PCNX1: variants seen among roughly 807,000 people sequenced by gnomAD.
PCNX1 encodes pecanex-like protein 1.
PCNX1 carries 78 observed loss-of-function variants against 242.2 expected under a neutral mutation model. The ratio of observed to expected loss-of-function variants is 0.32; its 90% CI spans 0.27 to 0.39. The LOEUF (loss-of-function observed/expected upper bound fraction) is 0.39. PCNX1 is among the 10% of genes least tolerant of loss of function. The pLI, the probability that PCNX1 is intolerant of heterozygous loss-of-function variation, is 1.00. For synonymous variants in PCNX1, 1,024 were observed against 1,032.9 expected, an observed-to-expected ratio of 0.99 and a Z score of 0.17; for missense variants, 2,581 against 2,856.5, an observed-to-expected ratio of 0.90 and a Z score of 2.20.
At chr14:70,967,265 C>T (rs961292724) in intron 3 of PCNX1, among the ~76,000 whole-genome samples, 1 of 152,176 alleles carries the variant, frequency 6.6e-6, no homozygotes, top group Non-Finnish European at 1.5e-5. Context: ...TTGTGATATA[C>T]ACCTACTAAA....
intron 26 of PCNX1, among the ~76,000 whole-genome samples, chr14:71,071,342 A>T (rs577616492): frequency 6.6e-6 from 1 of 152,196 alleles, no homozygotes; most frequent in South Asian, 2.1e-4. Flanking sequence ...CAACTTGGCT[A>T]TTTGGTGCAT....
At chr14:70,967,105 GGCA>G (rs1354414014) in intron 3 of PCNX1, among the ~76,000 whole-genome samples, 2 of 151,984 alleles carry the variant, frequency 1.3e-5, no homozygotes, top group Non-Finnish European at 1.5e-5. Flanking sequence ...CTTTTTCACT[GGCA>G]TGTAACTTAC....
chr14:70,916,675 C>T (rs905229861), intron 1 of PCNX1, among the ~76,000 whole-genome samples: 5 of 152,222 alleles, frequency 3.3e-5, no homozygotes, highest in South Asian at 2.1e-4. Flanking sequence ...GAACCTTCGG[C>T]GAGTTGTCAT....
Position 70,977,357 on chromosome 14 carries a change from G to A in PCNX1, c.1020G>A (p.Gln340=). The change falls in exon 6 of 36, where the codon CAG becomes CAA. Residue 340 remains glutamine (Q), a synonymous_variant. Transcript: ENST00000304743. The part of the protein sequence containing the change: ...VENSGLSGEF[Q]LAGDLKINTS... ...ATTCTGGTTTATCTGGGGAATTTCA[G>A]CTTGCTGGTGACTTGAAAATCAATA... is the stretch of plus-strand genomic sequence containing the variant. 6 of 1,614,146 alleles carry A rather than the reference G, an allele frequency of 3.7e-6. No individual in the cohort carries two copies. Among genetic ancestry groups the A allele is most frequent in the Non-Finnish European group, 5.1e-6 (6 of 1,180,038 alleles).
intron 19 of PCNX1, among the ~76,000 whole-genome samples, chr14:71,040,521 T>C (rs897516824): frequency 4.6e-5 from 7 of 152,164 alleles, no homozygotes; most frequent in African/African-American, 1.7e-4. Flanking sequence ...ATTATTCCTC[T>C]AAACGTTCTT....
rs776990056 is a variant in PCNX1, at chr14:70,969,004, T to G, written c.515-17T>G. 2.0e-6 allele frequency: 3 copies of G among 1,483,932 alleles called. No homozygotes were observed. Among genetic ancestry groups the G allele is most frequent in the Non-Finnish European group, 2.8e-6 (3 of 1,061,708 alleles). The allele number at this position is 1,483,932 out of a possible 1,614,324, so 91.9% of individuals were successfully genotyped here. ...CTGTTAATATAAGGTCCTCACATGT[T>G]TCTCTTAACTTTGTAGGAGATACAG... On this transcript the variant is annotated splice_polypyrimidine_tract_variant and intron_variant, in intron 4 of 35. Coordinates refer to ENST00000304743, the MANE Select transcript of PCNX1 (RefSeq NM_014982.3).
chr14:70,942,212 G>T (rs922185239), intron 1 of PCNX1, among the ~76,000 whole-genome samples: 1 of 152,176 alleles, frequency 6.6e-6, no homozygotes, highest in Admixed American at 6.5e-5. Flanking sequence ...CATCGCTCAC[G>T]CTGGGAGCTG....
intron 2 of PCNX1, among the ~76,000 whole-genome samples, chr14:70,957,988 C>T (rs773482934): frequency 6.6e-6 from 1 of 152,084 alleles, no homozygotes; most frequent in African/African-American, 2.4e-5. Context: ...CATAATATTG[C>T]TGAATATTTG....
intron 1 of PCNX1, among the ~76,000 whole-genome samples, chr14:70,940,771 A>G (rs570880818): frequency 2.0e-5 from 3 of 152,274 alleles, no homozygotes; most frequent in Middle Eastern, 3.4e-3. Context: ...CACCAGTCAG[A>G]CATAGATTTG....
At chr14:70,999,318 A>G (rs1220082217) in intron 8 of PCNX1, among the ~76,000 whole-genome samples, 1 of 152,200 alleles carries the variant, frequency 6.6e-6, no homozygotes, top group African/African-American at 2.4e-5. Flanking sequence ...GATCAGATAG[A>G]ACAGGAAACA....
intron 2 of PCNX1, among the ~76,000 whole-genome samples, chr14:70,951,768 T>G (rs2057790754): frequency 6.7e-6 from 1 of 149,634 alleles, no homozygotes; most frequent in African/African-American, 2.6e-5. Flanking sequence ...TCGTTAGAAT[T>G]TTGATGACAA....
chr14:70,923,131 T>C (rs1254432692), intron 1 of PCNX1, among the ~76,000 whole-genome samples: 2 of 152,152 alleles, frequency 1.3e-5, no homozygotes, highest in African/African-American at 4.8e-5. Context: ...TAACTGCCTT[T>C]TGTATATTTT....
intron 27 of PCNX1, among the ~76,000 whole-genome samples, chr14:71,074,067 A>G (rs780281391): frequency 5.9e-5 from 9 of 152,214 alleles, no homozygotes; most frequent in Non-Finnish European, 1.2e-4. Flanking sequence ...GCTAAGGAAT[A>G]TGTACACACA....
chr14:70,998,871 GT>G (rs143887475), intron 8 of PCNX1, among the ~76,000 whole-genome samples: 4,119 of 151,890 alleles, frequency 0.027, 77 homozygotes, highest in Non-Finnish European at 0.044. Flanking sequence ...TGTTGGATGA[GT>G]TTTGGAAGTT....
At chr14:71,074,306 C>G (rs565448699) in intron 27 of PCNX1, among the ~76,000 whole-genome samples, 1 of 152,264 alleles carries the variant, frequency 6.6e-6, no homozygotes, top group Non-Finnish European at 1.5e-5. Flanking sequence ...TTCAAGAGGT[C>G]CCTAAGACCA....
chr14:71,013,037 T>G lies in PCNX1; in HGVS notation c.2831T>G (p.Leu944Trp), dbSNP rs1566698756. ...AGACTATTGACCATTGATACAGATT[T>G]GTTGGAGCAACAGGACATTGATCTA... ...LNRLLTIDTD[L>W]LEQQDIDLSP... Residue 944 changes from leucine (L) to tryptophan (W), a missense_variant, in exon 11 of 36, where the codon TTG becomes TGG. Coordinates refer to ENST00000304743, the MANE Select transcript of PCNX1 (RefSeq NM_014982.3). 1 of 1,614,186 alleles carries G rather than the reference T, an allele frequency of 6.2e-7. No homozygotes were observed. Among genetic ancestry groups the G allele is most frequent in the Non-Finnish European group, 8.5e-7 (1 of 1,180,014 alleles).
At chr14:71,057,770 C>A (rs1411640063) in intron 26 of PCNX1, 46 bp downstream of exon 26, 1 of 1,273,616 alleles carries the variant, frequency 7.9e-7, no homozygotes, top group Non-Finnish European at 1.1e-6. Context: ...ACTCCTGTGG[C>A]ACCTTAGTTT....
At position 70,907,693 on chromosome 14, in the gene PCNX1, G is replaced by T; in HGVS notation, c.-158G>T. On this transcript the variant is annotated 5_prime_UTR_variant, in exon 1 of 36. Transcript: ENST00000304743. ...TCGTTTGCTGCCTCCTCCTCCTCCTGCAGCAGCACCAGCGACCGCCGAAGC... is the reference window on the plus strand; with the variant it reads ...TCGTTTGCTGCCTCCTCCTCCTCCTTCAGCAGCACCAGCGACCGCCGAAGC... The T allele has an allele frequency of 1.1e-6, 1 of 894,520 alleles. No homozygotes were observed. Among genetic ancestry groups the T allele is most frequent in the Non-Finnish European group, 1.4e-6 (1 of 702,374 alleles). 55.4% of individuals were successfully genotyped at this position (894,520 alleles called of 1,614,324 possible). A position where few individuals can be genotyped will look rare whatever the true frequency, so the allele number is the denominator to read the frequency against.
intron 8 of PCNX1, among the ~76,000 whole-genome samples, chr14:71,000,543 T>C (rs1234949095): frequency 1.3e-5 from 2 of 151,502 alleles, no homozygotes; most frequent in Non-Finnish European, 2.9e-5. Context: ...TTTTTTTTTT[T>C]TTTGACGGAG....
Sources: gnomAD v4.1 joint callset for allele counts (sites outside exome capture counted in the v4.1 genomes callset) on GRCh38, gnomAD v4.1.1 for gene constraint, MANE v1.5 for transcripts, NCBI Gene and HGNC (gene_info 2026-07-23, HGNC 2026-07-21) for gene names.